The following PCNT variants were observed in gnomAD, a reference collection of about 807,000 sequenced individuals.
The protein encoded by PCNT is kendrin.
PCNT carries 319 observed loss-of-function variants against 380.4 expected under a neutral mutation model. That is an observed-to-expected ratio of 0.84 (90% CI 0.77 to 0.92). The LOEUF is 0.92. Ranked by LOEUF, PCNT falls within the 40% of genes least tolerant of loss-of-function variation. PCNT has a pLI of 0.00. For synonymous variants in PCNT, 1,845 were observed against 1,735.2 expected, an observed-to-expected ratio of 1.06 and a Z score of -1.57; for missense variants, 4,400 against 4,255.3, an observed-to-expected ratio of 1.03 and a Z score of -0.95.
chr21:46,435,793 C>T (rs1307848541), intron 38 of PCNT, 111 bp from the exon 39 acceptor site: 24 of 1,236,504 alleles, frequency 1.9e-5, no homozygotes, highest in Admixed American at 5.2e-5. Context: ...CTGCCCGCCT[C>T]GGCCTCCCAA....
chr21:46,328,776 CT>C (rs79310428), intron 2 of PCNT, among the ~76,000 whole-genome samples: 23 of 135,696 alleles, frequency 1.7e-4, no homozygotes, highest in South Asian at 2.4e-4. Flanking sequence ...GTTGCACATA[CT>C]TTTTTTTTTT....
At chr21:46,412,740 C>G in intron 28 of PCNT, 97 bp from the exon 29 acceptor site, 2 of 1,294,922 alleles carry the variant, frequency 1.5e-6, no homozygotes, top group Non-Finnish European at 2.2e-6. Context: ...GGCATCCCTG[C>G]TGGCTGCCGT....
chr21:46,384,384 A>G (rs950344235), intron 16 of PCNT, among the ~76,000 whole-genome samples: 1 of 147,334 alleles, frequency 6.8e-6, no homozygotes, highest in Non-Finnish European at 1.5e-5. Flanking sequence ...ACGGAAGCGC[A>G]TTCACGGTGT....
chr21:46,358,335 G>A (rs888364851), intron 13 of PCNT, among the ~76,000 whole-genome samples: 4 of 152,214 alleles, frequency 2.6e-5, no homozygotes, highest in African/African-American at 9.7e-5. Flanking sequence ...TCCTCCCTGT[G>A]AATGTCTCCC....
At chr21:46,426,075 T>TTTCA in intron 33 of PCNT, 104 bp downstream of exon 33, 1 of 796,110 alleles carries the variant, frequency 1.3e-6, no homozygotes. Flanking sequence ...CTTTCTTTTT[T>TTTCA]TTTTTTTTTT....
intron 2 of PCNT, among the ~76,000 whole-genome samples, chr21:46,332,120 A>G (rs938034842): frequency 1.3e-5 from 2 of 152,250 alleles, no homozygotes; most frequent in East Asian, 1.9e-4. Context: ...AGATCGCGCC[A>G]TTGCACTCCA....
At chr21:46,386,094 ACGCT>A in intron 17 of PCNT, 111 bp downstream of exon 17, 2 of 1,292,450 alleles carry the variant, frequency 1.5e-6, no homozygotes, top group South Asian at 2.4e-5. Flanking sequence ...GCCACCATGC[ACGCT>A]GGCTCCTGGT....
At chr21:46,385,621 C>T (rs939983261) in intron 16 of PCNT, among the ~76,000 whole-genome samples, 17 of 152,226 alleles carry the variant, frequency 1.1e-4, no homozygotes, top group African/African-American at 3.9e-4. Context: ...GCTCCTTGGC[C>T]TTTGCTGAGG....
intron 19 of PCNT, among the ~76,000 whole-genome samples, chr21:46,389,701 C>T (rs1368970119): frequency 1.3e-5 from 2 of 152,160 alleles, no homozygotes; most frequent in African/African-American, 4.8e-5. Flanking sequence ...GAGATTATCA[C>T]TAAGAAAGGA....
chr21:46,347,438 CTT>C lies in PCNT; in HGVS notation c.977-15_977-14del. On this transcript the variant is annotated splice_polypyrimidine_tract_variant and intron_variant, in intron 5 of 46. Transcript: ENST00000359568. ...GGTTGAGATGGAGTGGCCTGAGCTGCTTTTTGTTTTTCTTGCAGCTGAGCTGA... is the reference window on the plus strand; with the variant it reads ...GGTTGAGATGGAGTGGCCTGAGCTGCTTTGTTTTTCTTGCAGCTGAGCTGA... The C allele has an allele frequency of 6.2e-7, 1 of 1,610,698 alleles. No homozygotes were observed. Among genetic ancestry groups the C allele is most frequent in the Non-Finnish European group, 8.5e-7 (1 of 1,178,276 alleles).
chr21:46,437,212 T>C (rs949230890), intron 40 of PCNT, 131 bp downstream of exon 40: 18 of 680,360 alleles, frequency 2.6e-5, no homozygotes, highest in Admixed American at 6.7e-5. Context: ...AATTCATGGT[T>C]GCTATCTGGG....
intron 28 of PCNT, 33 bp downstream of exon 28, chr21:46,412,100 T>C: frequency 6.3e-7 from 1 of 1,596,118 alleles, no homozygotes; most frequent in South Asian, 1.1e-5. Context: ...GGCAGGGTAT[T>C]TTTTTTTACT....
chr21:46,411,818 G>T lies in PCNT; in HGVS notation c.5745G>T (p.Ala1915=). 6.3e-7 allele frequency: 1 copy of T among 1,576,470 alleles called. No homozygotes were observed. Residue 1915 remains alanine, a synonymous_variant, in exon 28 of 47, where the codon GCG becomes GCT. Coordinates refer to ENST00000359568, the MANE Select transcript of PCNT (RefSeq NM_006031.6). ...AGCAGCCCCTGGCAGCCGGGGCGGC[G>T]CCTCCCGAGCTGCAGTGGCTCCGAG... is the stretch of plus-strand genomic sequence containing the variant. ...LEQQPLAAGA[A]PPELQWLRAQ... is the part of the protein sequence containing the mutation.
In PCNT at chr21:46,430,021, G is replaced by A; in HGVS notation, c.7702G>A (p.Ala2568Thr). The change falls in exon 36 of 47, where the codon GCT becomes ACT. Residue 2568 changes from alanine (A) to threonine (T), a missense_variant. Transcript: ENST00000359568. ...TTTGTCTTTCTCAGTTGAACTGCTG[G>A]CTTATAAAGTAGAGCAGGAGAAGTG... Reference protein sequence around the residue: ...HQLRRQVELLAYKVEQEKCIA... With the variant: ...HQLRRQVELLTYKVEQEKCIA... 6.2e-7 allele frequency: 1 copy of A among 1,614,152 alleles called. No homozygotes were observed.
intron 44 of PCNT, chr21:46,443,077 G>A: frequency 5.0e-6 from 1 of 198,674 alleles, no homozygotes; most frequent in Non-Finnish European, 1.0e-5. Context: ...GGCGTTGTGT[G>A]CAGAGAACGC....
intron 2 of PCNT, among the ~76,000 whole-genome samples, chr21:46,334,023 G>A (rs1478098439): frequency 1.3e-5 from 2 of 151,974 alleles, no homozygotes; most frequent in Admixed American, 6.6e-5. Flanking sequence ...TGGCTAACAT[G>A]GTGAAACCCT....
chr21:46,441,134 T>C (rs1245533914), intron 43 of PCNT, 50 bp downstream of exon 43: 3 of 1,127,750 alleles, frequency 2.7e-6, no homozygotes, highest in East Asian at 4.7e-5. Context: ...TCTCCGTGAG[T>C]GGGCAGCACA....
intron 2 of PCNT, among the ~76,000 whole-genome samples, chr21:46,326,903 C>T (rs542355900): frequency 6.6e-6 from 1 of 151,616 alleles, no homozygotes; most frequent in African/African-American, 2.4e-5. Context: ...ATCCCAGCTA[C>T]TCGGGAGGTT....
intron 16 of PCNT, among the ~76,000 whole-genome samples, chr21:46,385,490 C>T (rs770942999): frequency 6.6e-6 from 1 of 152,232 alleles, no homozygotes; most frequent in Non-Finnish European, 1.5e-5. Context: ...CAGGTTCCAC[C>T]TGGGGATGTT....
Sources: allele counts gnomAD v4.1 joint callset (sites outside exome capture counted in the v4.1 genomes callset), GRCh38; gene constraint gnomAD v4.1.1; transcripts MANE v1.5; gene names NCBI Gene and HGNC (gene_info 2026-07-23, HGNC 2026-07-21).